The following SPECC1L variants were observed in gnomAD, a reference collection of about 807,000 sequenced individuals.
SPECC1L encodes the protein sperm antigen with calponin homology and coiled-coil domains 1 like.
SPECC1L carries 40 observed loss-of-function variants against 116.8 expected under a neutral mutation model. The observed-to-expected ratio is 0.34, with a 90% confidence interval of 0.27 to 0.45. The LOEUF (loss-of-function observed/expected upper bound fraction) is 0.45, where lower values mean the gene tolerates loss of function less well. Among genes scored for constraint, SPECC1L ranks in the 20% least tolerant of loss-of-function variants. The probability of loss-of-function intolerance (pLI) is 1.00; values close to 1 mark genes in which losing one functional copy is unlikely to be tolerated. For synonymous variants in SPECC1L, 504 were observed against 500.6 expected (o/e 1.01, Z -0.09); for missense variants, 1,110 against 1,373.6 (o/e 0.81, Z 3.03).
intron 14 of SPECC1L, 40 bp from the exon 15 acceptor site, chr22:24,411,548 C>T: frequency 6.4e-7 from 1 of 1,573,692 alleles, no homozygotes; most frequent in South Asian, 1.1e-5. Context: ...AAGAGGGTCC[C>T]AGCATGTGTT....
intron 11 of SPECC1L, 29 bp downstream of exon 11, chr22:24,347,205 CT>C: frequency 3.8e-6 from 6 of 1,561,806 alleles, no homozygotes; most frequent in East Asian, 2.2e-5. Flanking sequence ...AGCATTTCAC[CT>C]TTTTTTCAAT....
Position 24,313,365 on chromosome 22 carries a change from C to T in SPECC1L, c.206C>T (p.Thr69Ile), listed in dbSNP as rs772087075. 1.2e-6 allele frequency: 2 copies of T among 1,614,080 alleles called. No individual in the cohort carries two copies. The highest frequency in any genetic ancestry group is 2.2e-5 in the South Asian group (2 of 91,078). The change falls in exon 4 of 17, where the codon ACT (threonine) becomes ATT (isoleucine). Residue 69 changes from threonine (T) to isoleucine (I), a missense_variant. Thr to Ile is a moderately conservative substitution (Grantham distance 89). Around this residue, in one of 4 missense-constraint regions of SPECC1L, gnomAD observed 437 missense variants for 482.6 expected, o/e 0.91. Coordinates refer to ENST00000314328, the MANE Select transcript of SPECC1L (RefSeq NM_015330.6). The part of the protein sequence containing the change: ...LAGMAGGVTV[T>I]NGVKGKKSTC... Reference sequence around the variant, plus strand: ...GGAATGGCCGGAGGGGTAACGGTGACTAATGGTGTTAAAGGAAAGAAAAGC... The same window carrying T: ...GGAATGGCCGGAGGGGTAACGGTGATTAATGGTGTTAAAGGAAAGAAAAGC...
At chr22:24,288,123 G>T (rs888580502) in intron 2 of SPECC1L, among the ~76,000 whole-genome samples, 1 of 152,190 alleles carries the variant, frequency 6.6e-6, no homozygotes, top group African/African-American at 2.4e-5. Context: ...TTTCTCAGCA[G>T]ATTGTCTGTA....
intron 14 of SPECC1L, among the ~76,000 whole-genome samples, chr22:24,390,956 A>G (rs996098186): frequency 5.2e-5 from 7 of 133,586 alleles, no homozygotes; most frequent in Non-Finnish European, 7.7e-5. Context: ...GCTCACTGCA[A>G]CCTCTGCCTC....
At chr22:24,393,305 T>C (rs2042305834) in intron 14 of SPECC1L, among the ~76,000 whole-genome samples, 2 of 152,166 alleles carry the variant, frequency 1.3e-5, no homozygotes, top group African/African-American at 4.8e-5. Flanking sequence ...GCCTCACAAA[T>C]GAGAGGGAAT....
At chr22:24,331,923 G>A (rs1292017828) in intron 8 of SPECC1L, among the ~76,000 whole-genome samples, 1 of 152,028 alleles carries the variant, frequency 6.6e-6, no homozygotes, top group African/African-American at 2.4e-5. Context: ...ACACTCTTTA[G>A]CATTTTGTGT....
chr22:24,352,915 T>A (rs1394599938), intron 11 of SPECC1L, among the ~76,000 whole-genome samples: 1 of 152,210 alleles, frequency 6.6e-6, no homozygotes, highest in Non-Finnish European at 1.5e-5. Flanking sequence ...ATTATCCACT[T>A]ACTTACAGCC....
At chr22:24,381,014 C>T (rs1222917434) in intron 14 of SPECC1L, among the ~76,000 whole-genome samples, 1 of 152,136 alleles carries the variant, frequency 6.6e-6, no homozygotes, top group East Asian at 1.9e-4. Context: ...TTCTGCTGTC[C>T]AGAGACAACC....
intron 14 of SPECC1L, among the ~76,000 whole-genome samples, chr22:24,391,004 T>C (rs1028791175): frequency 1.5e-4 from 22 of 150,584 alleles, no homozygotes; most frequent in Non-Finnish European, 3.0e-4. Flanking sequence ...GCCTCCTGAG[T>C]AGCTGGGATT....
At chr22:24,409,214 T>C (rs1479200583) in intron 14 of SPECC1L, among the ~76,000 whole-genome samples, 1 of 152,224 alleles carries the variant, frequency 6.6e-6, no homozygotes, top group Admixed American at 6.5e-5. Context: ...GAGTATAAAG[T>C]GCTCCCCAGG....
In SPECC1L at chr22:24,376,833, A is replaced by C. The variant is rs565041919; in HGVS notation, c.3087+7513A>C. Among the ~76,000 whole-genome samples the C allele has an allele frequency of 2.0e-5, 3 of 151,990 alleles. No individual in the cohort carries two copies. The South Asian group carries it at 6.2e-4, about 31-fold the overall frequency. The stretch of plus-strand genomic sequence containing the variant: ...ATCACCTAGTTTTTTTTTTTTCTTA[A>C]GAAAGAACTTTTTTTATTGAGATAT... On this transcript the variant is annotated intron_variant, in intron 14 of 16. Transcript: ENST00000314328.
rs569507732 is a variant in SPECC1L at position 24,412,505 on chromosome 22, C to G, written c.3205-143C>G. On this transcript the variant is annotated intron_variant, in intron 15 of 16. Coordinates refer to ENST00000314328, the MANE Select transcript of SPECC1L (RefSeq NM_015330.6). Reference sequence around the variant, plus strand: ...GGTACTTGGTGCAGATGCAGAAGCTCAGGCTCCCAGCATAGGTTTGTTGTG... The same window carrying G: ...GGTACTTGGTGCAGATGCAGAAGCTGAGGCTCCCAGCATAGGTTTGTTGTG... 101 of 777,886 alleles carry G rather than the reference C, an allele frequency of 1.3e-4. No homozygotes were observed. In the African/African-American group the frequency reaches 1.7e-3, roughly 13 times the overall value. 48.2% of individuals were successfully genotyped at this position (777,886 alleles called of 1,614,324 possible).
At chr22:24,295,364 A>G (rs1361293932) in intron 2 of SPECC1L, among the ~76,000 whole-genome samples, 1 of 149,888 alleles carries the variant, frequency 6.7e-6, no homozygotes, top group Non-Finnish European at 1.5e-5. Context: ...CATGTCAATA[A>G]TTTATTTTAG....
At chr22:24,387,419 G>A (rs763480498) in intron 14 of SPECC1L, among the ~76,000 whole-genome samples, 9 of 152,262 alleles carry the variant, frequency 5.9e-5, no homozygotes, top group Admixed American at 3.9e-4. Flanking sequence ...CTGGGATTCT[G>A]ATTCATTCTG....
At chr22:24,370,494 A>G (rs1047430899) in intron 14 of SPECC1L, among the ~76,000 whole-genome samples, 1 of 152,252 alleles carries the variant, frequency 6.6e-6, no homozygotes, top group African/African-American at 2.4e-5. Flanking sequence ...AAAATGTTGT[A>G]ACTGCTGTGG....
At chr22:24,402,005 G>C (rs1458707680) in intron 14 of SPECC1L, among the ~76,000 whole-genome samples, 1 of 152,052 alleles carries the variant, frequency 6.6e-6, no homozygotes, top group African/African-American at 2.4e-5. Flanking sequence ...TCGGCCGCCT[G>C]CCCTGCCTCC....
intron 14 of SPECC1L, among the ~76,000 whole-genome samples, chr22:24,395,083 C>T (rs1329970424): frequency 6.6e-6 from 1 of 152,172 alleles, no homozygotes; most frequent in Non-Finnish European, 1.5e-5. Flanking sequence ...CTGCCTCAGC[C>T]TCCCAAAGTA....
intron 2 of SPECC1L, among the ~76,000 whole-genome samples, chr22:24,290,281 T>A (rs2049132737): frequency 6.6e-6 from 1 of 152,144 alleles, no homozygotes; most frequent in South Asian, 2.1e-4. Context: ...AGTGCCTACC[T>A]GGAGTGGGGA....
intron 4 of SPECC1L, among the ~76,000 whole-genome samples, chr22:24,314,130 C>T (rs954558789): frequency 6.6e-6 from 1 of 152,080 alleles, no homozygotes; most frequent in African/African-American, 2.4e-5. Context: ...CTGCAAGCTT[C>T]GCCTCCTGGG....
Sources: allele counts gnomAD v4.1 joint callset (sites outside exome capture counted in the v4.1 genomes callset), GRCh38; gene constraint gnomAD v4.1.1; regional missense constraint gnomAD v4.1.1; transcripts MANE v1.5; gene names NCBI Gene and HGNC (gene_info 2026-07-23, HGNC 2026-07-21).